F8: variants seen among roughly 807,000 people sequenced by gnomAD.
F8 encodes the protein antihemophilic factor.
F8 carries 12 observed loss-of-function variants against 140.6 expected under a neutral mutation model. The observed-to-expected ratio is 0.09, with a 90% CI of 0.05 to 0.14. The LOEUF (loss-of-function observed/expected upper bound fraction) is 0.14, where lower values mean the gene tolerates loss of function less well. F8 is among the 10% of genes least tolerant of loss of function. The probability of loss-of-function intolerance (pLI) is 1.00; values close to 1 mark genes in which losing one functional copy is unlikely to be tolerated. For missense variants in F8, 1,354 were observed against 1,720.7 expected, an observed-to-expected ratio of 0.79 and a Z score of 3.77; for synonymous variants, 585 against 614.6, an observed-to-expected ratio of 0.95 and a Z score of 0.71.
In F8 at chrX:154,961,092, G is replaced by A; in HGVS notation, c.1520C>T (p.Ser507Leu). Residue 507 changes from serine to leucine, a missense_variant, in exon 10 of 26, where the codon TCA becomes TTA. Ser to Leu is a moderately radical substitution (Grantham distance 145). Coordinates refer to ENST00000360256, the MANE Select transcript of F8 (RefSeq NM_000132.4). Reference sequence around the variant, plus strand: ...ATATTTACCTTTTGGTAATCTCCTTGAATACAAAGGACGGACATCAGTGAT... The same window carrying A: ...ATATTTACCTTTTGGTAATCTCCTTAAATACAAAGGACGGACATCAGTGAT... ...HGITDVRPLY[S>L]RRLPKGVKHL... 1 of 1,192,395 alleles carries A rather than the reference G, an allele frequency of 8.4e-7. No individual in the cohort carries two copies. Among genetic ancestry groups the A allele is most frequent in the Non-Finnish European group, 1.1e-6 (1 of 878,421 alleles).
At chrX:154,913,446 T>C (rs782227792) in intron 14 of F8, among the ~76,000 whole-genome samples, 87 of 111,807 alleles carry the variant, frequency 7.8e-4, no homozygotes, top group African/African-American at 2.8e-3. Context: ...TGTTAGCTCA[T>C]TCCAGCCTTA....
chrX:154,960,214 T>A (rs1206546149), intron 10 of F8, among the ~76,000 whole-genome samples: 1 of 111,605 alleles, frequency 9.0e-6, no homozygotes, highest in East Asian at 2.8e-4. Flanking sequence ...ACAACTTGAA[T>A]GGAAAAAAGC....
At position 154,969,361 on chromosome X, in the gene F8, G is replaced by C. The variant is rs1603435395; in HGVS notation, c.979C>G (p.Leu327Val). Residue 327 changes from leucine to valine, a missense_variant, in exon 7 of 26, where the codon CTG (leucine) becomes GTG (valine). Transcript: ENST00000360256. ...TLLMDLGQFLLFCHISSHQHD... is the reference protein window; with the variant it reads ...TLLMDLGQFLVFCHISSHQHD... ...TGGTGGGAAGAGATATGACAAAACAGTAGAAACTGTCCAAGGTCCATCAAG... is the reference window on the plus strand; with the variant it reads ...TGGTGGGAAGAGATATGACAAAACACTAGAAACTGTCCAAGGTCCATCAAG... 7 of 1,211,090 alleles carry C rather than the reference G, an allele frequency of 5.8e-6. No individual in the cohort carries two copies. The highest frequency in any genetic ancestry group is 7.8e-6 in the Non-Finnish European group (7 of 894,861).
chrX:154,845,386 G>C (rs144440015), intron 25 of F8, among the ~76,000 whole-genome samples: 1,373 of 111,782 alleles, frequency 0.012, 24 homozygotes, highest in African/African-American at 0.042. Context: ...CCTCCTTGTA[G>C]TTCTGGTAGA....
intron 14 of F8, among the ~76,000 whole-genome samples, chrX:154,922,570 G>A (rs782300981): frequency 3.6e-5 from 4 of 111,915 alleles, no homozygotes; most frequent in Non-Finnish European, 7.5e-5. Flanking sequence ...AAAAAATGGT[G>A]GGAGCAATAT....
intron 14 of F8, among the ~76,000 whole-genome samples, chrX:154,917,906 C>T (rs2073106612): frequency 8.9e-6 from 1 of 112,085 alleles, no homozygotes; most frequent in African/African-American, 3.2e-5. Context: ...AATTTGCCAT[C>T]TCATTAGGGT....
At position 155,010,944 on chromosome X, in the gene F8, A is replaced by G. The variant is rs782207081; in HGVS notation, c.144-11344T>C. ...CTCAATGTAAGAACTAAAACTATAA[A>G]AGTCTCAAAAGAAAATATAGGTTTA... On this transcript the variant is annotated intron_variant, in intron 1 of 25. Coordinates refer to ENST00000360256, the MANE Select transcript of F8 (RefSeq NM_000132.4). Among the ~76,000 whole-genome samples the G allele has an allele frequency of 4.5e-5, 5 of 111,983 alleles. No homozygotes were observed. In the South Asian group the frequency reaches 1.8e-3, roughly 41 times the overall value.
intron 22 of F8, among the ~76,000 whole-genome samples, chrX:154,868,866 T>G (rs782664926): frequency 2.8e-5 from 3 of 106,054 alleles, no homozygotes; most frequent in Non-Finnish European, 5.8e-5. Flanking sequence ...ACCAAGCAAA[T>G]GGAAAGCAAA....
chrX:154,932,871 G>A (rs926202944), intron 13 of F8, among the ~76,000 whole-genome samples: 3 of 110,655 alleles, frequency 2.7e-5, no homozygotes, highest in Admixed American at 9.6e-5. Flanking sequence ...AGGTCAATCT[G>A]TAAGCAAAAA....
At chrX:154,912,223 T>C (rs1346111614) in intron 14 of F8, among the ~76,000 whole-genome samples, 2 of 112,292 alleles carry the variant, frequency 1.8e-5, no homozygotes, top group African/African-American at 6.5e-5. Flanking sequence ...GTTTGTCTAC[T>C]TTTGCTTTAG....
chrX:154,951,013 A>G (rs1383676244), intron 12 of F8, among the ~76,000 whole-genome samples: 1 of 112,227 alleles, frequency 8.9e-6, no homozygotes, highest in African/African-American at 3.2e-5. Flanking sequence ...AGTTTTTGCT[A>G]TCATTTCTTT....
In F8 at chrX:154,966,020, A is replaced by G. The variant is rs1557281949; in HGVS notation, c.1393T>C (p.Ser465Pro). 5.0e-6 allele frequency: 6 copies of G among 1,211,409 alleles called. No homozygotes were observed. In the South Asian group the frequency reaches 8.8e-5, roughly 18 times the overall value. ...TAAAGTAAAGGTCCCAAGATTCCTG[A>G]TTCATGCTGAATAGCTTCACGAGTC... ...FKTREAIQHESGILGPLLYGE... is the reference protein window; with the variant it reads ...FKTREAIQHEPGILGPLLYGE... Residue 465 changes from serine to proline, a missense_variant, in exon 9 of 26, where the codon TCA (serine) becomes CCA (proline). Ser to Pro is a moderately conservative substitution (Grantham distance 74). This residue lies in a region of F8 where 252 missense variants were observed against 338.5 expected (regional missense o/e 0.74). Coordinates refer to ENST00000360256, the MANE Select transcript of F8 (RefSeq NM_000132.4).
chrX:155,020,626 T>C (rs1261856927), intron 1 of F8, among the ~76,000 whole-genome samples: 2 of 112,473 alleles, frequency 1.8e-5, no homozygotes, highest in Non-Finnish European at 3.8e-5. Context: ...ATATTTGTAA[T>C]AATAAAAGGG....
At chrX:155,015,581 A>C (rs1472497597) in intron 1 of F8, among the ~76,000 whole-genome samples, 1 of 112,199 alleles carries the variant, frequency 8.9e-6, no homozygotes, top group African/African-American at 3.2e-5. Flanking sequence ...ACCAAATACC[A>C]TATGTTCTCA....
intron 10 of F8, among the ~76,000 whole-genome samples, chrX:154,958,509 G>A (rs182925180): frequency 2.7e-5 from 3 of 111,540 alleles, no homozygotes; most frequent in Admixed American, 9.5e-5. Flanking sequence ...TCCAAATTTC[G>A]GGACACACAT....
chrX:154,866,918 A>AT (rs2072735739), intron 22 of F8, among the ~76,000 whole-genome samples: 1 of 111,601 alleles, frequency 9.0e-6, no homozygotes, highest in Non-Finnish European at 1.9e-5. Context: ...CTAAGAGTTG[A>AT]TTTTTTTGAA....
rs188900196 is a variant in F8, at chrX:154,894,759, A to G, written c.6429+1318T>C. ...CCCCCCCTCAAAAAGAAGTCCAACT[A>G]CCTTGAAACATGCTGTAAGGAAGGC... On this transcript the variant is annotated intron_variant, in intron 22 of 25. Coordinates refer to ENST00000360256, the MANE Select transcript of F8 (RefSeq NM_000132.4). 3.2e-5 allele frequency among the ~76,000 whole-genome samples: 3 copies of G among 95,223 alleles called. No individual in the cohort carries two copies. In the Admixed American group the frequency reaches 3.5e-4, roughly 11 times the overall value. The allele number at this position is 95,223 out of a possible 115,157, so 82.7% of individuals were successfully genotyped here.
chrX:154,939,380 G>A (rs995981565), intron 13 of F8, among the ~76,000 whole-genome samples: 1 of 112,729 alleles, frequency 8.9e-6, no homozygotes, highest in African/African-American at 3.2e-5. Flanking sequence ...CCTGCACCTG[G>A]CTCAGAGGGT....
intron 14 of F8, among the ~76,000 whole-genome samples, chrX:154,906,995 T>C (rs782491339): frequency 8.9e-5 from 10 of 112,098 alleles, no homozygotes; most frequent in African/African-American, 3.2e-4. Context: ...AAAACACAAA[T>C]GCCTTTGGTA....
Sources: gnomAD v4.1 joint callset for allele counts (sites outside exome capture counted in the v4.1 genomes callset) on GRCh38, gnomAD v4.1.1 for gene constraint, gnomAD v4.1.1 regional missense constraint, MANE v1.5 for transcripts, NCBI Gene and HGNC (gene_info 2026-07-23, HGNC 2026-07-21) for gene names.